CADM2: variants seen among roughly 807,000 people sequenced by gnomAD.
CADM2 encodes immunoglobulin superfamily member 4D.
A neutral mutation model predicts 49.8 loss-of-function variants in CADM2; 12 were observed. The ratio of observed to expected loss-of-function variants is 0.24; its 90% CI spans 0.15 to 0.39. CADM2 has a LOEUF of 0.39. Among genes scored for constraint, CADM2 ranks in the 10% least tolerant of loss-of-function variants. The pLI is 1.00. For missense variants in CADM2, 378 were observed against 492.3 expected (o/e 0.77, Z 2.20); for synonymous variants, 214 against 175.4 (o/e 1.22, Z -1.74).
chr3:85,726,620 T>C (rs2067705863), intron 2 of CADM2, 72 bp downstream of exon 2: 6 of 1,207,566 alleles, frequency 5.0e-6, no homozygotes, highest in South Asian at 2.5e-5. Context: ...TTCTCTTAAA[T>C]GATAGAACCA....
intron 1 of CADM2, among the ~76,000 whole-genome samples, chr3:85,433,673 G>A (rs1343106884): frequency 6.6e-6 from 1 of 152,092 alleles, no homozygotes; most frequent in Admixed American, 6.6e-5. Context: ...CGTAGACCCT[G>A]AGAATGGAAT....
At chr3:85,485,974 AT>A (rs561195183) in intron 1 of CADM2, among the ~76,000 whole-genome samples, 69 of 152,210 alleles carry the variant, frequency 4.5e-4, no homozygotes, top group Middle Eastern at 3.4e-3. Flanking sequence ...AAGGTTAATA[AT>A]GACCTTCAAA....
intron 1 of CADM2, among the ~76,000 whole-genome samples, chr3:85,068,625 A>G (rs1269127277): frequency 6.6e-6 from 1 of 152,176 alleles, no homozygotes; most frequent in Non-Finnish European, 1.5e-5. Context: ...CTCCTGATGT[A>G]ATGGAGCCTC....
chr3:85,385,363 G>A (rs1289010519), intron 1 of CADM2, among the ~76,000 whole-genome samples: 1 of 152,182 alleles, frequency 6.6e-6, no homozygotes, highest in African/African-American at 2.4e-5. Flanking sequence ...TGAGCAGGGA[G>A]GGAAAATGTA....
intron 1 of CADM2, among the ~76,000 whole-genome samples, chr3:85,701,858 A>AAGATAGATAGATAGAT (rs56934991): frequency 1.4e-5 from 2 of 146,724 alleles, no homozygotes; most frequent in Non-Finnish European, 1.5e-5. Flanking sequence ...TCTGTTGTAA[A>AAGATAGATAGATAGAT]AGATAGATAG....
At chr3:85,791,448 C>T (rs1012515183) in intron 2 of CADM2, among the ~76,000 whole-genome samples, 1 of 148,206 alleles carries the variant, frequency 6.7e-6, no homozygotes, top group East Asian at 2.1e-4. Flanking sequence ...CTTGAACTTT[C>T]TAAGACACAG....
intron 1 of CADM2, among the ~76,000 whole-genome samples, chr3:85,539,790 A>G (rs746934912): frequency 2.5e-4 from 38 of 152,098 alleles, no homozygotes; most frequent in Non-Finnish European, 4.0e-4. Context: ...CATTTCTAAC[A>G]TAGGGGAAAT....
At chr3:85,573,468 G>A (rs2062542898) in intron 1 of CADM2, among the ~76,000 whole-genome samples, 1 of 152,060 alleles carries the variant, frequency 6.6e-6, no homozygotes, top group Admixed American at 6.6e-5. Flanking sequence ...TGGCATTATA[G>A]GGGCATTATA....
rs955035192 is a variant in CADM2 at position 85,215,358 on chromosome 3, T to TAAA, written c.61+255712_61+255714dup. Among the ~76,000 whole-genome samples, 29 of 80,944 alleles carry TAAA rather than the reference T, an allele frequency of 3.6e-4. 1 individual carries two copies. Among genetic ancestry groups the TAAA allele is most frequent in the African/African-American group, 1.1e-3 (21 of 18,282 alleles). The allele number at this position is 80,944 out of a possible 152,430, so 53.1% of individuals were successfully genotyped here. On this transcript the variant is annotated intron_variant, in intron 1 of 9. Transcript: ENST00000383699. ...TGCAACACCAAAGTTCTCTCTTTTT[T>TAAA]AAAAAAAAAAAAAAAAAAAAAAAAG... is the stretch of plus-strand genomic sequence containing the variant.
chr3:85,176,278 C>A (rs1172643283), intron 1 of CADM2, among the ~76,000 whole-genome samples: 6 of 152,132 alleles, frequency 3.9e-5, no homozygotes, highest in Non-Finnish European at 4.4e-5. Context: ...TACCCTCTCA[C>A]CAACTCATAA....
intron 1 of CADM2, among the ~76,000 whole-genome samples, chr3:85,395,189 T>G (rs2034714904): frequency 6.6e-6 from 1 of 150,674 alleles, no homozygotes; most frequent in Non-Finnish European, 1.5e-5. Flanking sequence ...GCCCAGCTAC[T>G]TGGGAGGCTG....
At chr3:85,134,292 C>G (rs1465919518) in intron 1 of CADM2, among the ~76,000 whole-genome samples, 2 of 152,206 alleles carry the variant, frequency 1.3e-5, no homozygotes, top group Admixed American at 6.5e-5. Flanking sequence ...CCTTGGCCAG[C>G]CCAGAAAGGG....
At chr3:85,691,923 A>G (rs2066400779) in intron 1 of CADM2, among the ~76,000 whole-genome samples, 1 of 152,176 alleles carries the variant, frequency 6.6e-6, no homozygotes, top group African/African-American at 2.4e-5. Flanking sequence ...GGAATTGAAC[A>G]ATGAGAACAC....
At chr3:85,927,335 T>C (rs1490168920) in intron 6 of CADM2, among the ~76,000 whole-genome samples, 21 of 152,318 alleles carry the variant, frequency 1.4e-4, no homozygotes, top group Non-Finnish European at 7.3e-5. Context: ...ATCTCTGCTT[T>C]GATAAGCATG....
intron 1 of CADM2, among the ~76,000 whole-genome samples, chr3:85,050,508 ATATAT>A (rs2035842061): frequency 6.6e-6 from 1 of 152,180 alleles, no homozygotes; most frequent in Non-Finnish European, 1.5e-5. Context: ...AATTTTCTAA[ATATAT>A]TTTATCTCAT....
At chr3:85,682,087 G>A (rs1387999878) in intron 1 of CADM2, among the ~76,000 whole-genome samples, 1 of 152,028 alleles carries the variant, frequency 6.6e-6, no homozygotes, top group Non-Finnish European at 1.5e-5. Context: ...AAATAGACAG[G>A]CTGACAACAG....
chr3:85,254,175 C>G (rs1195290654), intron 1 of CADM2, among the ~76,000 whole-genome samples: 2 of 151,928 alleles, frequency 1.3e-5, no homozygotes, highest in African/African-American at 4.8e-5. Flanking sequence ...TTACATTTAT[C>G]CATTTATTGT....
intron 1 of CADM2, among the ~76,000 whole-genome samples, chr3:84,995,950 T>C (rs2033158740): frequency 6.6e-6 from 1 of 152,140 alleles, no homozygotes; most frequent in Admixed American, 6.5e-5. Context: ...GGTTCACAAA[T>C]GGGGAATCCA....
At chr3:85,644,265 GAA>G (rs2064819582) in intron 1 of CADM2, among the ~76,000 whole-genome samples, 1 of 152,146 alleles carries the variant, frequency 6.6e-6, no homozygotes, top group Non-Finnish European at 1.5e-5. Flanking sequence ...GGAAGAAAGA[GAA>G]AGAGTTCCGG....
Sources: allele counts gnomAD v4.1 joint callset (sites outside exome capture counted in the v4.1 genomes callset), GRCh38; gene constraint gnomAD v4.1.1; transcripts MANE v1.5; gene names NCBI Gene and HGNC (gene_info 2026-07-23, HGNC 2026-07-21).